KCNJ6: variants seen among roughly 807,000 people sequenced by gnomAD.
The protein encoded by KCNJ6 is G protein-activated inward rectifier potassium channel 2.
KCNJ6 carries 9 observed loss-of-function variants against 34.2 expected under a neutral mutation model. That is an observed-to-expected ratio of 0.26 (90% CI 0.16 to 0.46). The LOEUF (loss-of-function observed/expected upper bound fraction) is 0.46. Among genes scored for constraint, KCNJ6 ranks in the 20% least tolerant of loss-of-function variants. The pLI is 1.00. For synonymous variants in KCNJ6, 196 were observed against 207.1 expected (o/e 0.95, Z 0.46); for missense variants, 236 against 531.3 (o/e 0.44, Z 5.46).
At chr21:37,821,601 C>T (rs1568861014) in intron 2 of KCNJ6, among the ~76,000 whole-genome samples, 1 of 152,064 alleles carries the variant, frequency 6.6e-6, no homozygotes, top group Non-Finnish European at 1.5e-5. Flanking sequence ...TCCATGTGTT[C>T]CAGAAGGTAA....
At chr21:37,664,085 GAAATA>G (rs760852933) in intron 3 of KCNJ6, among the ~76,000 whole-genome samples, 29 of 152,166 alleles carry the variant, frequency 1.9e-4, no homozygotes, top group Middle Eastern at 3.4e-3. Context: ...CATACTTTTG[GAAATA>G]AAATAAAGTT....
intron 1 of KCNJ6, among the ~76,000 whole-genome samples, chr21:37,872,928 G>C (rs544192624): frequency 6.6e-6 from 1 of 152,096 alleles, no homozygotes; most frequent in Middle Eastern, 3.2e-3. Flanking sequence ...CTCTCTTGCC[G>C]AACTGTGAAG....
At chr21:37,636,633 C>T (rs902969001) in intron 3 of KCNJ6, among the ~76,000 whole-genome samples, 3 of 152,184 alleles carry the variant, frequency 2.0e-5, no homozygotes, top group Non-Finnish European at 4.4e-5. Context: ...GCAAAGCTCA[C>T]TCTGCCTAGG....
chr21:37,798,137 A>G (rs2055252127), intron 2 of KCNJ6, among the ~76,000 whole-genome samples: 1 of 152,174 alleles, frequency 6.6e-6, no homozygotes, highest in African/African-American at 2.4e-5. Flanking sequence ...CATTTATTAC[A>G]AGCCCTGTTT....
At chr21:37,704,971 C>T (rs1361189173) in intron 3 of KCNJ6, among the ~76,000 whole-genome samples, 1 of 152,064 alleles carries the variant, frequency 6.6e-6, no homozygotes, top group East Asian at 1.9e-4. Flanking sequence ...GGCACAGTCA[C>T]CTGATAACAC....
chr21:37,795,978 TAG>T (rs1299581838), intron 2 of KCNJ6, among the ~76,000 whole-genome samples: 1 of 152,076 alleles, frequency 6.6e-6, no homozygotes, highest in African/African-American at 2.4e-5. Flanking sequence ...TGTATTATAA[TAG>T]AGTCTCATCC....
At chr21:37,737,024 C>T (rs529457326) in intron 2 of KCNJ6, among the ~76,000 whole-genome samples, 2 of 152,288 alleles carry the variant, frequency 1.3e-5, no homozygotes, top group South Asian at 4.1e-4. Context: ...CGATGCTTTT[C>T]CTTTTGTGAG....
chr21:37,630,778 G>A (rs992361860), intron 3 of KCNJ6, among the ~76,000 whole-genome samples: 8 of 152,032 alleles, frequency 5.3e-5, no homozygotes, highest in African/African-American at 1.9e-4. Context: ...TTATTTTTTT[G>A]TTGTGAGAAC....
intron 1 of KCNJ6, among the ~76,000 whole-genome samples, chr21:37,846,732 A>G (rs2055510567): frequency 6.6e-6 from 1 of 152,196 alleles, no homozygotes; most frequent in African/African-American, 2.4e-5. Context: ...CCATTTAAAG[A>G]AACATTTATG....
intron 3 of KCNJ6, among the ~76,000 whole-genome samples, chr21:37,693,948 C>T (rs563390081): frequency 6.6e-6 from 1 of 151,766 alleles, no homozygotes; most frequent in South Asian, 2.1e-4. Context: ...AAAAAACAAA[C>T]ATTGGAACAA....
chr21:37,912,159 TA>T lies in KCNJ6; in HGVS notation c.-28+3724del, dbSNP rs146068185. On this transcript the variant is annotated intron_variant, in intron 1 of 3. Coordinates refer to ENST00000609713, the MANE Select transcript of KCNJ6 (RefSeq NM_002240.5). ...TAGAAGAGGTATCAAAATGATTTTT[TA>T]AAATAGCAAAATGGAACCAAGTGAA... Among the ~76,000 whole-genome samples the T allele has an allele frequency of 6.6e-3, 1,009 of 152,320 alleles. 17 individuals carry two copies. The highest frequency in any genetic ancestry group is 8.0e-3 in the Non-Finnish European group (541 of 68,018).
chr21:37,796,392 C>A lies in KCNJ6; in HGVS notation c.25+44266G>T, dbSNP rs149458336. ...AAGACTGACTTCATTTTGAAAGCGG[C>A]AAAGTGGTTGGTATTTCAGAAGCCT... On this transcript the variant is annotated intron_variant, in intron 2 of 3. Transcript: ENST00000609713. Among the ~76,000 whole-genome samples, 730 of 152,322 alleles carry A rather than the reference C, an allele frequency of 4.8e-3. 4 individuals are homozygous for A. The highest frequency in any genetic ancestry group is 7.8e-3 in the Non-Finnish European group (528 of 68,030).
chr21:37,623,168 T>G lies in KCNJ6; in HGVS notation c.*1991A>C, dbSNP rs1312762577. ...ACAGTTTTGTTTTCCTTAAAGTCAG[T>G]GCCAAGAGGCAGTTGTCCTGATCCA... On this transcript the variant is annotated 3_prime_UTR_variant, in exon 4 of 4. Coordinates refer to ENST00000609713, the MANE Select transcript of KCNJ6 (RefSeq NM_002240.5). 1 of 152,224 alleles carries G rather than the reference T, an allele frequency of 6.6e-6. No homozygotes were observed. Among genetic ancestry groups the G allele is most frequent in the Non-Finnish European group, 1.5e-5 (1 of 68,040 alleles). The allele number at this position is 152,224 out of a possible 1,614,324, so 9.4% of individuals were successfully genotyped here. A position where few individuals can be genotyped will look rare whatever the true frequency, so the allele number is the denominator to read the frequency against.
intron 3 of KCNJ6, among the ~76,000 whole-genome samples, chr21:37,641,832 GA>G (rs1393629939): frequency 6.6e-6 from 1 of 152,190 alleles, no homozygotes; most frequent in South Asian, 2.1e-4. Flanking sequence ...GCACGAAGAA[GA>G]AATTATAGTA....
intron 2 of KCNJ6, among the ~76,000 whole-genome samples, chr21:37,815,735 T>A (rs1000405401): frequency 6.6e-6 from 1 of 152,196 alleles, no homozygotes; most frequent in Non-Finnish European, 1.5e-5. Context: ...AGGCTCAGAC[T>A]CGAAGGAGCA....
intron 1 of KCNJ6, among the ~76,000 whole-genome samples, chr21:37,843,693 T>C (rs888339888): frequency 6.6e-6 from 1 of 152,186 alleles, no homozygotes; most frequent in Admixed American, 6.5e-5. Flanking sequence ...CTTTCAGAGA[T>C]TGTCAAGTCC....
intron 2 of KCNJ6, among the ~76,000 whole-genome samples, chr21:37,795,635 C>G (rs1480465314): frequency 4.6e-5 from 7 of 151,534 alleles, no homozygotes; most frequent in Non-Finnish European, 1.0e-4. Context: ...ATCCCAGCTA[C>G]TCGGGAGGCT....
At chr21:37,812,162 C>T (rs1175213621) in intron 2 of KCNJ6, among the ~76,000 whole-genome samples, 1 of 152,168 alleles carries the variant, frequency 6.6e-6, no homozygotes, top group Non-Finnish European at 1.5e-5. Flanking sequence ...GGTTATACCA[C>T]ACTTTCTGAG....
At chr21:37,729,264 A>G (rs1051648732) in intron 2 of KCNJ6, among the ~76,000 whole-genome samples, 1 of 151,014 alleles carries the variant, frequency 6.6e-6, no homozygotes, top group Non-Finnish European at 1.5e-5. Context: ...TGCTTAAAGG[A>G]GATAAACGCC....
Sources: gnomAD v4.1 joint callset for allele counts (sites outside exome capture counted in the v4.1 genomes callset) on GRCh38, gnomAD v4.1.1 for gene constraint, MANE v1.5 for transcripts, NCBI Gene and HGNC (gene_info 2026-07-23, HGNC 2026-07-21) for gene names.